FABP6: variants seen among roughly 807,000 people sequenced by gnomAD.
The protein encoded by FABP6 is gastrotropin.
In FABP6, 13 loss-of-function variants were observed where a neutral mutation model predicts 14.9. The ratio of observed to expected loss-of-function variants is 0.87; its 90% CI spans 0.57 to 1.39. FABP6 has a LOEUF of 1.39. FABP6 is among the 40% of genes most tolerant of loss of function. The pLI is 0.00. For synonymous variants in FABP6, 75 were observed against 63.6 expected (o/e 1.18, Z -0.85); for missense variants, 161 against 167.2 (o/e 0.96, Z 0.20).
chr5:160,233,393 C>T (rs1760435374), intron 2 of FABP6, among the ~76,000 whole-genome samples: 1 of 152,096 alleles, frequency 6.6e-6, no homozygotes, highest in Non-Finnish European at 1.5e-5. Flanking sequence ...AATTGTAGGG[C>T]CTTGGGCAAG....
At chr5:160,214,087 TTC>T (rs149888683) in intron 3 of FABP6, among the ~76,000 whole-genome samples, 39 of 146,336 alleles carry the variant, frequency 2.7e-4, no homozygotes, top group Middle Eastern at 3.4e-3. Flanking sequence ...TTGCCTGCCT[TTC>T]TCTTTCTTTC....
chr5:160,197,489 AATGCAGG>A (rs1292054493), intron 1 of FABP6: 1 of 152,236 alleles, frequency 6.6e-6, no homozygotes, highest in Non-Finnish European at 1.5e-5. Context: ...CAATAGAGAT[AATGCAGG>A]GACAGTGTGG....
At chr5:160,238,473 A>G (rs1760566462) in intron 3 of FABP6, 133 bp from the exon 4 acceptor site, 2 of 698,094 alleles carry the variant, frequency 2.9e-6, no homozygotes, top group South Asian at 1.7e-5. Flanking sequence ...TGGGAAACTG[A>G]GGCCGAAAGA....
intron 2 of FABP6, among the ~76,000 whole-genome samples, chr5:160,209,846 C>A (rs1211299099): frequency 3.9e-5 from 6 of 152,148 alleles, no homozygotes; most frequent in Admixed American, 3.9e-4. Flanking sequence ...CCACTGCGTC[C>A]AGCCCTTTTC....
chr5:160,207,910 G>T (rs1305735242), intron 2 of FABP6, among the ~76,000 whole-genome samples: 1 of 152,070 alleles, frequency 6.6e-6, no homozygotes, highest in Non-Finnish European at 1.5e-5. Flanking sequence ...TTTTAGTAGA[G>T]ACGGAGTTTC....
chr5:160,200,538 G>T (rs1438467516), intron 2 of FABP6, among the ~76,000 whole-genome samples: 1 of 151,652 alleles, frequency 6.6e-6, no homozygotes, highest in Non-Finnish European at 1.5e-5. Flanking sequence ...TCAGCCTCCT[G>T]AGTAGTTGGG....
At chr5:160,190,301 C>T (rs148869670) in intron 1 of FABP6, among the ~76,000 whole-genome samples, 4,160 of 149,984 alleles carry the variant, frequency 0.028, 180 homozygotes, top group African/African-American at 0.096. Flanking sequence ...GGTGAGATCT[C>T]GGCTCACCGC....
At chr5:160,193,305 A>C (rs890476162) in intron 1 of FABP6, among the ~76,000 whole-genome samples, 4 of 152,140 alleles carry the variant, frequency 2.6e-5, no homozygotes, top group Admixed American at 1.3e-4. Context: ...CGCTGGCTTC[A>C]GGAGTGAAGC....
chr5:160,197,022 A>G (rs2113064987), intron 1 of FABP6: 1 of 152,330 alleles, frequency 6.6e-6, no homozygotes, highest in East Asian at 1.9e-4. Context: ...AATGGGAGAA[A>G]TCCCATTTGC....
intron 3 of FABP6, among the ~76,000 whole-genome samples, chr5:160,223,362 T>TTCCTTCCTTCCTTCCTTCC (rs530428957): frequency 0.078 from 2,559 of 32,604 alleles, 98 homozygotes; most frequent in African/African-American, 0.14. Flanking sequence ...TCCTTCCTTC[T>TTCCTTCCTTCCTTCCTTCC]TTCCCTCCCT....
chr5:160,208,728 G>T (rs1340771056), intron 2 of FABP6, among the ~76,000 whole-genome samples: 1 of 152,058 alleles, frequency 6.6e-6, no homozygotes, highest in Non-Finnish European at 1.5e-5. Flanking sequence ...AGGCATGCAA[G>T]ACAAACCTGG....
chr5:160,215,662 TG>T lies in FABP6; in HGVS notation c.135+1846del, dbSNP rs200948915. Among the ~76,000 whole-genome samples the T allele has an allele frequency of 4.2e-3, 610 of 146,776 alleles. 31 individuals are homozygous for T. In the East Asian group the frequency reaches 0.1, roughly 24 times the overall value. ...ATGATTTTGCCACTGTACTCCAGTTTGGGTGACAGAGCAAGACCTTGTCAAA... is the reference window on the plus strand; with the variant it reads ...ATGATTTTGCCACTGTACTCCAGTTTGGTGACAGAGCAAGACCTTGTCAAA... On this transcript the variant is annotated intron_variant, in intron 3 of 6. Transcript: ENST00000393980.
At chr5:160,217,522 C>T (rs1367579304) in intron 3 of FABP6, among the ~76,000 whole-genome samples, 1 of 152,204 alleles carries the variant, frequency 6.6e-6, no homozygotes, top group African/African-American at 2.4e-5. Context: ...CCAACAGTTA[C>T]TTAACACACT....
At chr5:160,219,232 C>A (rs936675233) in intron 3 of FABP6, among the ~76,000 whole-genome samples, 18 of 152,092 alleles carry the variant, frequency 1.2e-4, no homozygotes, top group Admixed American at 2.6e-4. Context: ...TCCTCCTCAC[C>A]CATGGACTCA....
At position 160,206,628 on chromosome 5, in the gene FABP6, C is replaced by T. The variant is rs115911015; in HGVS notation, c.52-7108C>T. The stretch of plus-strand genomic sequence containing the variant: ...TGCACACGGGCAGTATGCATTTCTA[C>T]ACAGAGCCACACATACTGGTTACAT... On this transcript the variant is annotated intron_variant, in intron 2 of 6. Coordinates refer to the FABP6 transcript ENST00000393980. Among the ~76,000 whole-genome samples the T allele has an allele frequency of 1.5e-3, 232 of 152,256 alleles. 2 individuals are homozygous for T. Among genetic ancestry groups the T allele is most frequent in the Admixed American group, 7.1e-3 (108 of 15,282 alleles).
intron 1 of FABP6, among the ~76,000 whole-genome samples, chr5:160,192,525 G>A (rs1252908793): frequency 1.3e-5 from 2 of 152,262 alleles, no homozygotes; most frequent in Non-Finnish European, 2.9e-5. Context: ...TGTCTGATGA[G>A]CTAATGGCCC....
intron 3 of FABP6, 103 bp downstream of exon 3, chr5:160,235,012 T>G: frequency 3.3e-6 from 3 of 896,068 alleles, no homozygotes; most frequent in Non-Finnish European, 5.1e-6. Flanking sequence ...TTACCAGCAC[T>G]TCCCTTGTAC....
intron 1 of FABP6, among the ~76,000 whole-genome samples, chr5:160,193,105 T>C (rs1759431353): frequency 6.6e-6 from 1 of 152,182 alleles, no homozygotes; most frequent in Admixed American, 6.5e-5. Context: ...CACGGACCCT[T>C]GCGGTGAGTG....
At chr5:160,224,882 A>AT (rs1383953548), upstream of FABP6, among the ~76,000 whole-genome samples, 1 of 150,122 alleles carries the variant, frequency 6.7e-6, no homozygotes, top group African/African-American at 2.5e-5. Flanking sequence ...GGCTCAAGTG[A>AT]TTCTCGTGGC....
Sources: allele counts gnomAD v4.1 joint callset (sites outside exome capture counted in the v4.1 genomes callset), GRCh38; gene constraint gnomAD v4.1.1; transcripts MANE v1.5; gene names NCBI Gene and HGNC (gene_info 2026-07-23, HGNC 2026-07-21).